The following XCR1 variants were observed in gnomAD, a reference collection of about 807,000 sequenced individuals.
XCR1 encodes the protein chemokine XC receptor 1.
For synonymous variants in XCR1, 187 were observed against 188.5 expected, an observed-to-expected ratio of 0.99 and a Z score of 0.06; for missense variants, 356 against 424.2, an observed-to-expected ratio of 0.84 and a Z score of 1.41.
intron 4 of XCR1, among the ~76,000 whole-genome samples, chr3:46,054,351 G>C (rs917481934): frequency 6.6e-6 from 1 of 152,132 alleles, no homozygotes; most frequent in South Asian, 2.1e-4. Context: ...CAAACCTTCT[G>C]GCAGTGGGAG....
upstream of XCR1, among the ~76,000 whole-genome samples, chr3:46,030,879 C>T (rs1208912987): frequency 6.6e-6 from 1 of 152,274 alleles, no homozygotes; most frequent in Non-Finnish European, 1.5e-5. Context: ...TCATTCCCTG[C>T]CGTGTTCTGG....
Position 46,020,874 on chromosome 3 carries a change from A to G in XCR1, c.*72T>C. The G allele has an allele frequency of 1.3e-6, 2 of 1,540,120 alleles. No individual in the cohort carries two copies. Among genetic ancestry groups the G allele is most frequent in the Non-Finnish European group, 1.7e-6 (2 of 1,146,190 alleles). ...TGCTGTGTTCTGCAATGCTCCTTCC[A>G]GGCCCGCTTCTCCATGACCCCCATT... On this transcript the variant is annotated 3_prime_UTR_variant, in exon 2 of 2. Coordinates refer to ENST00000309285, the MANE Select transcript of XCR1 (RefSeq NM_001024644.2).
chr3:46,044,328 A>G (rs149454183), intron 5 of XCR1, among the ~76,000 whole-genome samples: 21 of 152,240 alleles, frequency 1.4e-4, no homozygotes, highest in Non-Finnish European at 2.8e-4. Context: ...GTGACTTATT[A>G]TATTGAGTAC....
chr3:46,038,783 G>T (rs1270583178), intron 5 of XCR1, among the ~76,000 whole-genome samples: 1 of 152,132 alleles, frequency 6.6e-6, no homozygotes, highest in Non-Finnish European at 1.5e-5. Context: ...AAGTAGGTGA[G>T]AATAATTTCC....
intron 3 of XCR1, among the ~76,000 whole-genome samples, chr3:46,069,338 C>A (rs1200945395): frequency 2.6e-5 from 4 of 151,928 alleles, no homozygotes; most frequent in African/African-American, 9.7e-5. Flanking sequence ...AAGTGATAAA[C>A]CTTTAGAAAG....
upstream of XCR1, among the ~76,000 whole-genome samples, chr3:46,029,929 G>T (rs1375919293): frequency 2.6e-5 from 4 of 152,060 alleles, no homozygotes; most frequent in African/African-American, 9.7e-5. Context: ...TATTGTAAAT[G>T]GAATTGTTTT....
At chr3:46,070,690 A>G (rs1698149503) in intron 3 of XCR1, among the ~76,000 whole-genome samples, 1 of 151,886 alleles carries the variant, frequency 6.6e-6, no homozygotes, top group South Asian at 2.1e-4. Context: ...CGTAAGCAGC[A>G]TGCAGTTTGA....
intron 1 of XCR1, chr3:46,023,697 T>C: frequency 6.6e-7 from 1 of 1,513,764 alleles, no homozygotes; most frequent in Non-Finnish European, 9.1e-7. Flanking sequence ...AGGGGATCTT[T>C]GACAGGGATC....
At chr3:46,023,398 A>G (rs1708207640) in intron 1 of XCR1, 1 of 1,471,246 alleles carries the variant, frequency 6.8e-7, no homozygotes, top group Non-Finnish European at 9.5e-7. Flanking sequence ...TTCTTGTCAC[A>G]AAAAGGCTGC....
intron 3 of XCR1, among the ~76,000 whole-genome samples, chr3:46,069,488 T>G (rs996888176): frequency 2.6e-5 from 4 of 152,160 alleles, no homozygotes; most frequent in Non-Finnish European, 4.4e-5. Flanking sequence ...GGGTTAGACA[T>G]GGTAACCTCC....
Position 46,021,104 on chromosome 3 carries a change from A to G in XCR1, c.844T>C (p.Phe282Leu). ...ACGAAGACATAGAGCACCGGGTTAAAGCAGCAGTGGGAGAAGGCGAGGTTG... is the reference window on the plus strand; with the variant it reads ...ACGAAGACATAGAGCACCGGGTTAAGGCAGCAGTGGGAGAAGGCGAGGTTG... ...CRNLAFSHCC[F>L]NPVLYVFVGV... Residue 282 changes from phenylalanine (F) to leucine (L), a missense_variant, in exon 2 of 2, where the codon TTT becomes CTT. Coordinates refer to ENST00000309285, the MANE Select transcript of XCR1 (RefSeq NM_001024644.2). The surrounding 1 kb of genome is among the most constrained non-coding windows in gnomAD (Gnocchi z 4.7). 1 of 1,614,268 alleles carries G rather than the reference A, an allele frequency of 6.2e-7. No homozygotes were observed. The highest frequency in any genetic ancestry group is 1.1e-5 in the South Asian group (1 of 91,092).
intron 4 of XCR1, among the ~76,000 whole-genome samples, chr3:46,059,759 T>C (rs1697926594): frequency 6.6e-6 from 1 of 152,222 alleles, no homozygotes; most frequent in Non-Finnish European, 1.5e-5. Flanking sequence ...TACACCTTTA[T>C]TGAGGTGTGT....
chr3:46,084,769 A>G lies in XCR1; in HGVS notation c.-515+1025T>C, dbSNP rs184108394. Among the ~76,000 whole-genome samples the G allele has an allele frequency of 1.1e-4, 17 of 152,314 alleles. No individual in the cohort carries two copies. The East Asian group carries it at 2.3e-3, about 21-fold the overall frequency. ...GGCACACAAAGACATAAAGACGGAA[A>G]CCGTAGACACTGGGGGCTACTAGAG... is the stretch of plus-strand genomic sequence containing the variant. On this transcript the variant is annotated intron_variant, in intron 1 of 5. Transcript: ENST00000683768.
rs367869499 is a variant in XCR1, at chr3:46,075,179, T to TA, written c.-327-465dup. 4.5e-3 allele frequency among the ~76,000 whole-genome samples: 680 copies of TA among 151,940 alleles called. 4 individuals carry two copies. Among genetic ancestry groups the TA allele is most frequent in the African/African-American group, 0.015 (624 of 41,430 alleles). On this transcript the variant is annotated intron_variant, in intron 2 of 5. Transcript: ENST00000683768. ...GACACAAAGATTAATGGAAGAGAGT[T>TA]AAAAAAACCCAGAAGTAGCCCCACA...
intron 5 of XCR1, among the ~76,000 whole-genome samples, chr3:46,049,486 G>A (rs1211974608): frequency 6.6e-6 from 1 of 152,204 alleles, no homozygotes; most frequent in African/African-American, 2.4e-5. Flanking sequence ...CGAATAACTT[G>A]TTGAAGTCTT....
rs530131780 is a variant in XCR1, at chr3:46,074,617, T to TA, written c.-263+33dup. On this transcript the variant is annotated intron_variant, in intron 3 of 5. Transcript: ENST00000683768. Reference sequence around the variant, plus strand: ...AATTGTACCACTTAAATTTATATTTTAAAAAAAATCATAAGGAAGAAAAAT... The same window carrying TA: ...AATTGTACCACTTAAATTTATATTTTAAAAAAAAATCATAAGGAAGAAAAAT... Among the ~76,000 whole-genome samples the TA allele has an allele frequency of 9.2e-5, 14 of 151,966 alleles. No homozygotes were observed. The East Asian group carries it at 2.7e-3, about 29-fold the overall frequency.
chr3:46,052,200 C>T (rs1239941186), intron 5 of XCR1, among the ~76,000 whole-genome samples: 1 of 152,132 alleles, frequency 6.6e-6, no homozygotes, highest in Non-Finnish European at 1.5e-5. Flanking sequence ...GGTTTGTCTC[C>T]CCCAACTAAT....
intron 5 of XCR1, among the ~76,000 whole-genome samples, chr3:46,051,254 G>A (rs961949401): frequency 2.0e-5 from 3 of 151,988 alleles, no homozygotes; most frequent in African/African-American, 7.3e-5. Flanking sequence ...TTAAATCCTG[G>A]GTTATCAAAG....
At chr3:46,038,497 T>G (rs1205405343) in intron 5 of XCR1, among the ~76,000 whole-genome samples, 1 of 152,222 alleles carries the variant, frequency 6.6e-6, no homozygotes, top group African/African-American at 2.4e-5. Context: ...GTTTTTAGTT[T>G]GCAATTGAAG....
Sources: allele counts gnomAD v4.1 joint callset (sites outside exome capture counted in the v4.1 genomes callset), GRCh38; gene constraint gnomAD v4.1.1; non-coding constraint Gnocchi (gnomAD v3.1); transcripts MANE v1.5; gene names NCBI Gene and HGNC (gene_info 2026-07-23, HGNC 2026-07-21).